The following KPNA7 variants were observed in gnomAD, a reference collection of about 807,000 sequenced individuals.
KPNA7 encodes the protein importin subunit alpha-8.
A neutral mutation model predicts 53.7 loss-of-function variants in KPNA7; 54 were observed. The observed-to-expected ratio is 1.01, with a 90% confidence interval of 0.81 to 1.26. The LOEUF (loss-of-function observed/expected upper bound fraction) is 1.26, where lower values mean the gene tolerates loss of function less well. Ranked by LOEUF, KPNA7 falls within the 50% of genes most tolerant of loss-of-function variation. The pLI is 0.00. For missense variants in KPNA7, 640 were observed against 644.5 expected, an observed-to-expected ratio of 0.99 and a Z score of 0.07; for synonymous variants, 276 against 259.3, an observed-to-expected ratio of 1.06 and a Z score of -0.62.
At position 99,195,340 on chromosome 7, in the gene KPNA7, T is replaced by C. The variant is rs1419192084; in HGVS notation, c.285-2A>G. 7 of 1,550,584 alleles carry C rather than the reference T, an allele frequency of 4.5e-6. No homozygotes were observed. Among genetic ancestry groups the C allele is most frequent in the South Asian group, 2.4e-5 (2 of 84,042 alleles). On this transcript the variant is annotated splice_acceptor_variant, in intron 4 of 10. Coordinates refer to ENST00000327442, the MANE Select transcript of KPNA7 (RefSeq NM_001145715.3). LOFTEE classifies it high-confidence loss of function. The stretch of plus-strand genomic sequence containing the variant: ...TTCTTTTCCTGGGATAGCATTTTCC[T>C]ATGCAATGAAAGAGAGGGCAGGGGA...
At chr7:99,178,182 C>T (rs1798992783) in intron 9 of KPNA7, 116 bp from the exon 10 acceptor site, 2 of 847,374 alleles carry the variant, frequency 2.4e-6, no homozygotes, top group Non-Finnish European at 1.8e-6. Flanking sequence ...GCTACCATTC[C>T]AGAATGGATA....
intron 9 of KPNA7, 68 bp downstream of exon 9, chr7:99,181,815 G>A: frequency 2.3e-6 from 3 of 1,299,798 alleles, no homozygotes; most frequent in East Asian, 2.8e-5. Flanking sequence ...AATTTTAAGA[G>A]CCACATTAAA....
chr7:99,179,296 C>T (rs1302768754), intron 9 of KPNA7, among the ~76,000 whole-genome samples: 1 of 152,096 alleles, frequency 6.6e-6, no homozygotes, highest in African/African-American at 2.4e-5. Flanking sequence ...GTGGCCCATT[C>T]CTGTAATCCC....
intron 6 of KPNA7, among the ~76,000 whole-genome samples, chr7:99,190,260 C>T (rs532663417): frequency 2.0e-5 from 3 of 150,686 alleles, no homozygotes; most frequent in African/African-American, 7.3e-5. Context: ...TCGCTTGAAC[C>T]CAGGAGGCGG....
rs749626280 is a variant in KPNA7, at chr7:99,188,354, C to T, written c.846G>A (p.Thr282=). 24 of 1,551,400 alleles carry T rather than the reference C, an allele frequency of 1.5e-5. No homozygotes were observed. The highest frequency in any genetic ancestry group is 1.1e-4 in the South Asian group (9 of 84,050). ...GCACTACCAGCCTGGGCAGGACCCC[C>T]GTGTTAACCACTTGGCCGATGCGCT... ...SNKRIGQVVN[T]GVLPRLVVLM... The change falls in exon 7 of 11, where the codon ACG becomes ACA. Residue 282 remains threonine (T), a synonymous_variant. Coordinates refer to ENST00000327442, the MANE Select transcript of KPNA7 (RefSeq NM_001145715.3).
upstream of KPNA7, among the ~76,000 whole-genome samples, chr7:99,209,682 C>CAAAAAAAAAAAAAAAAAAAAAAA (rs60377276): frequency 1.4e-5 from 1 of 73,520 alleles, no homozygotes; most frequent in African/African-American, 5.2e-5. Context: ...GACTCCAACT[C>CAAAAAAAAAAAAAAAAAAAAAAA]AAAAAAAAAA....
Position 99,188,470 on chromosome 7 carries a change from G to C in KPNA7, c.730C>G (p.Pro244Ala). 1 of 1,551,736 alleles carries C rather than the reference G, an allele frequency of 6.4e-7. No individual in the cohort carries two copies. The highest frequency in any genetic ancestry group is 8.7e-7 in the Non-Finnish European group (1 of 1,147,006). ...PCDTAVKQIL[P>A]ALLHLLQHQD... ...TGCTGCAGGAGGTGAAGGAGGGCCG[G>C]CAGTATCTGCTTCACCGCAGTGTCG... Residue 244 changes from proline (P) to alanine (A), a missense_variant, in exon 7 of 11, where the codon CCG becomes GCG. Coordinates refer to ENST00000327442, the MANE Select transcript of KPNA7 (RefSeq NM_001145715.3).
chr7:99,200,829 C>A (rs926650698), intron 3 of KPNA7, among the ~76,000 whole-genome samples: 21 of 151,966 alleles, frequency 1.4e-4, no homozygotes, highest in African/African-American at 4.8e-4. Flanking sequence ...ATAAAATTAG[C>A]AGGTGATGCA....
chr7:99,191,934 G>A (rs777350841), intron 6 of KPNA7, among the ~76,000 whole-genome samples: 4 of 152,182 alleles, frequency 2.6e-5, no homozygotes, highest in Non-Finnish European at 5.9e-5. Context: ...ACAGGTGTGA[G>A]CCACGGTTCC....
intron 2 of KPNA7, among the ~76,000 whole-genome samples, chr7:99,204,374 C>A (rs545401338): frequency 2.0e-5 from 3 of 148,846 alleles, no homozygotes; most frequent in Admixed American, 2.0e-4. Context: ...CCTGCCTCTA[C>A]AAATCTCTCT....
intron 1 of KPNA7, among the ~76,000 whole-genome samples, chr7:99,215,299 G>GAATCA (rs1791186999): frequency 6.7e-6 from 1 of 148,366 alleles, no homozygotes; most frequent in African/African-American, 2.5e-5. Flanking sequence ...TTGAACCCGG[G>GAATCA]AGGCAGAGGT....
At chr7:99,148,098 C>A in the KPNA7 span, among the ~76,000 whole-genome samples, 1 of 152,016 alleles carries the variant, frequency 6.6e-6, no homozygotes, top group Non-Finnish European at 1.5e-5. Flanking sequence ...TCATATTGAA[C>A]TTAAGATATA....
intron 9 of KPNA7, among the ~76,000 whole-genome samples, chr7:99,181,682 G>A (rs898495567): frequency 6.6e-6 from 1 of 152,100 alleles, no homozygotes; most frequent in Non-Finnish European, 1.5e-5. Context: ...CCAAGTAGCT[G>A]GGATACAGGC....
At chr7:99,175,469 A>G (rs1215773279) in intron 10 of KPNA7, among the ~76,000 whole-genome samples, 1 of 150,930 alleles carries the variant, frequency 6.6e-6, no homozygotes, top group Non-Finnish European at 1.5e-5. Flanking sequence ...ATGAGCTACC[A>G]CACCTGGCTT....
chr7:99,146,244 C>A, the KPNA7 span, among the ~76,000 whole-genome samples: 2,621 of 152,262 alleles, frequency 0.017, 71 homozygotes, highest in African/African-American at 0.06. Flanking sequence ...TTTCTCCCCG[C>A]CCCGACGGCT....
At chr7:99,177,843 G>A (rs1348922917) in intron 10 of KPNA7, 77 bp downstream of exon 10, 26 of 1,467,580 alleles carry the variant, frequency 1.8e-5, no homozygotes, top group Non-Finnish European at 2.4e-5. Flanking sequence ...AACAGCCCAG[G>A]CCCCGGCAGG....
chr7:99,166,695 C>T, the KPNA7 span, among the ~76,000 whole-genome samples: 1 of 152,124 alleles, frequency 6.6e-6, no homozygotes, highest in Non-Finnish European at 1.5e-5. Context: ...TCTTGGCTGA[C>T]TGCAAGGTCT....
At chr7:99,146,989 C>G in the KPNA7 span, among the ~76,000 whole-genome samples, 33 of 152,194 alleles carry the variant, frequency 2.2e-4, no homozygotes, top group Admixed American at 2.0e-3. Context: ...TAAGTCAAAC[C>G]GTCATAAACT....
chr7:99,207,585 G>A, intron 1 of KPNA7, 96 bp from the exon 2 acceptor site: 1 of 426,182 alleles, frequency 2.3e-6, no homozygotes, highest in South Asian at 1.8e-5. Flanking sequence ...GGCTCACAGT[G>A]GAGCAAAGGG....
Sources: allele counts gnomAD v4.1 joint callset (sites outside exome capture counted in the v4.1 genomes callset), GRCh38; gene constraint gnomAD v4.1.1; transcripts MANE v1.5; gene names NCBI Gene and HGNC (gene_info 2026-07-23, HGNC 2026-07-21).